The following RCAN2 variants were observed in gnomAD, a reference collection of about 807,000 sequenced individuals.
The protein encoded by RCAN2 is regulator of calcineurin 2, also known as calcipressin-2.
In RCAN2, 9 loss-of-function variants were observed where a neutral mutation model predicts 23.6. That is an observed-to-expected ratio of 0.38 (90% CI 0.23 to 0.67). The LOEUF (loss-of-function observed/expected upper bound fraction) is 0.67, where lower values mean the gene tolerates loss of function less well. Ranked by LOEUF, RCAN2 falls within the 30% of genes least tolerant of loss-of-function variation. The probability of loss-of-function intolerance (pLI) is 0.51; values close to 1 mark genes in which losing one functional copy is unlikely to be tolerated. For missense variants in RCAN2, 273 were observed against 302.3 expected, an observed-to-expected ratio of 0.90 and a Z score of 0.72; for synonymous variants, 109 against 115.7, an observed-to-expected ratio of 0.94 and a Z score of 0.37.
chr6:46,343,086 C>T (rs1168677210), intron 2 of RCAN2, among the ~76,000 whole-genome samples: 1 of 151,954 alleles, frequency 6.6e-6, no homozygotes, highest in Non-Finnish European at 1.5e-5. Flanking sequence ...GATAACCACA[C>T]CTAGATGTGT....
At chr6:46,433,542 G>T (rs551631335) in intron 2 of RCAN2, among the ~76,000 whole-genome samples, 1 of 152,222 alleles carries the variant, frequency 6.6e-6, no homozygotes, top group Non-Finnish European at 1.5e-5. Flanking sequence ...GTTATTGGAA[G>T]CAGAAGTCAA....
At chr6:46,479,414 T>G (rs1312645065) in intron 1 of RCAN2, among the ~76,000 whole-genome samples, 2 of 152,128 alleles carry the variant, frequency 1.3e-5, no homozygotes, top group Admixed American at 1.3e-4. Context: ...CCCACAAAAG[T>G]GTAACACCAA....
intron 2 of RCAN2, among the ~76,000 whole-genome samples, chr6:46,360,957 AT>A (rs1214454153): frequency 6.6e-6 from 1 of 152,216 alleles, no homozygotes; most frequent in Non-Finnish European, 1.5e-5. Flanking sequence ...CCCTACCCCC[AT>A]GTATGTGTAA....
chr6:46,404,236 G>A lies in RCAN2; in HGVS notation c.225+52516C>T, dbSNP rs112078544. Among the ~76,000 whole-genome samples the A allele has an allele frequency of 5.0e-3, 766 of 151,810 alleles. 7 individuals carry two copies. The highest frequency in any genetic ancestry group is 0.018 in the African/African-American group (731 of 41,406). The stretch of plus-strand genomic sequence containing the variant: ...GACTCTGTCTCAAAAAAAAAAAGAG[G>A]TGATTTTGGAAGAGGGAAATGAGTG... On this transcript the variant is annotated intron_variant, in intron 2 of 4. Coordinates refer to ENST00000371374, the MANE Select transcript of RCAN2 (RefSeq NM_001251974.2).
At chr6:46,372,966 C>G (rs1295159038) in intron 2 of RCAN2, among the ~76,000 whole-genome samples, 3 of 152,300 alleles carry the variant, frequency 2.0e-5, no homozygotes, top group Non-Finnish European at 4.4e-5. Flanking sequence ...AATTCCTTGT[C>G]TCAAATGACA....
At chr6:46,440,654 C>G (rs960989527) in intron 2 of RCAN2, among the ~76,000 whole-genome samples, 3 of 151,702 alleles carry the variant, frequency 2.0e-5, no homozygotes, top group Non-Finnish European at 4.4e-5. Flanking sequence ...ATATCAGGAT[C>G]AATAAGAAAA....
chr6:46,395,887 C>T (rs1386252818), intron 2 of RCAN2, among the ~76,000 whole-genome samples: 3 of 152,158 alleles, frequency 2.0e-5, no homozygotes, highest in Admixed American at 2.0e-4. Context: ...ACAAGCTGAT[C>T]CCGTTCTGAT....
chr6:46,394,686 G>A (rs1766038215), intron 2 of RCAN2, among the ~76,000 whole-genome samples: 1 of 152,132 alleles, frequency 6.6e-6, no homozygotes, highest in Non-Finnish European at 1.5e-5. Flanking sequence ...GGGAGTCACT[G>A]GAGCATTTTG....
At chr6:46,240,695 T>C (rs1766274034) in intron 4 of RCAN2, among the ~76,000 whole-genome samples, 1 of 152,220 alleles carries the variant, frequency 6.6e-6, no homozygotes, top group Non-Finnish European at 1.5e-5. Flanking sequence ...TAGGTGTTCA[T>C]CTATATTTTA....
At chr6:46,477,991 TTAAC>T (rs1768760538) in intron 1 of RCAN2, among the ~76,000 whole-genome samples, 1 of 152,200 alleles carries the variant, frequency 6.6e-6, no homozygotes, top group Non-Finnish European at 1.5e-5. Context: ...CCCATAGTCT[TTAAC>T]TAAGAATAGC....
chr6:46,328,387 G>A (rs1225743736), intron 2 of RCAN2, among the ~76,000 whole-genome samples: 1 of 152,186 alleles, frequency 6.6e-6, no homozygotes, highest in Non-Finnish European at 1.5e-5. Flanking sequence ...GTCTTAAGTT[G>A]GGCAAATTGT....
intron 2 of RCAN2, among the ~76,000 whole-genome samples, chr6:46,388,688 T>C (rs1419501500): frequency 6.6e-6 from 1 of 152,112 alleles, no homozygotes. Context: ...CTCAGCAAAC[T>C]AAAACAGGAA....
chr6:46,406,945 A>G (rs1766423727), intron 2 of RCAN2, among the ~76,000 whole-genome samples: 1 of 152,160 alleles, frequency 6.6e-6, no homozygotes, highest in Admixed American at 6.5e-5. Context: ...AGTAACAAAT[A>G]CCCCCAAACT....
At chr6:46,346,840 AGTTTTT>A (rs1294789628) in intron 2 of RCAN2, among the ~76,000 whole-genome samples, 6 of 151,638 alleles carry the variant, frequency 4.0e-5, no homozygotes, top group Non-Finnish European at 8.8e-5. Flanking sequence ...AAATCTAACC[AGTTTTT>A]AAATTTTTAT....
At chr6:46,418,817 C>T (rs1003766443) in intron 2 of RCAN2, among the ~76,000 whole-genome samples, 3 of 150,680 alleles carry the variant, frequency 2.0e-5, no homozygotes, top group Admixed American at 1.3e-4. Context: ...TGGCCGGGCA[C>T]AGTGGCTCAT....
chr6:46,411,789 C>A (rs563570111), intron 2 of RCAN2, among the ~76,000 whole-genome samples: 1 of 152,016 alleles, frequency 6.6e-6, no homozygotes, highest in Non-Finnish European at 1.5e-5. Context: ...GGAAGAAAGA[C>A]CAGTTGGTTC....
intron 2 of RCAN2, among the ~76,000 whole-genome samples, chr6:46,359,987 T>G (rs951117016): frequency 3.3e-5 from 5 of 152,194 alleles, no homozygotes; most frequent in Non-Finnish European, 7.3e-5. Flanking sequence ...TGTCCTTCAC[T>G]TGACACAAAT....
intron 4 of RCAN2, among the ~76,000 whole-genome samples, chr6:46,242,207 T>C (rs1766330769): frequency 6.6e-6 from 1 of 152,200 alleles, no homozygotes; most frequent in Non-Finnish European, 1.5e-5. Context: ...TTTATGTTTG[T>C]TTCTAGGACC....
At chr6:46,257,411 C>T (rs898471822) in intron 2 of RCAN2, among the ~76,000 whole-genome samples, 2 of 152,024 alleles carry the variant, frequency 1.3e-5, no homozygotes, top group African/African-American at 2.4e-5. Context: ...TAAAGAAATA[C>T]CTGAGACTGG....
Sources: gnomAD v4.1 joint callset for allele counts (sites outside exome capture counted in the v4.1 genomes callset) on GRCh38, gnomAD v4.1.1 for gene constraint, MANE v1.5 for transcripts, NCBI Gene and HGNC (gene_info 2026-07-23, HGNC 2026-07-21) for gene names.